The following NAV2 variants were observed in gnomAD, a reference collection of about 807,000 sequenced individuals.
NAV2 encodes helicase, APC down-regulated 1.
In NAV2, 54 loss-of-function variants were observed where a neutral mutation model predicts 223.2. The ratio of observed to expected loss-of-function variants is 0.24; its 90% CI spans 0.19 to 0.30. The LOEUF (loss-of-function observed/expected upper bound fraction) is 0.30. NAV2 is among the 10% of genes least tolerant of loss of function. The pLI, the probability that NAV2 is intolerant of heterozygous loss-of-function variation, is 1.00. For synonymous variants in NAV2, 1,279 were observed against 1,239.3 expected (o/e 1.03, Z -0.67); for missense variants, 2,806 against 3,147.5 (o/e 0.89, Z 2.60).
intron 11 of NAV2, among the ~76,000 whole-genome samples, chr11:20,021,894 G>A (rs1178307530): frequency 6.6e-6 from 1 of 152,158 alleles, no homozygotes; most frequent in Admixed American, 6.5e-5. Flanking sequence ...TTCAGTGGGA[G>A]AGGAATGGCT....
intron 1 of NAV2, among the ~76,000 whole-genome samples, chr11:19,678,292 T>C (rs1436868900): frequency 1.3e-5 from 2 of 152,212 alleles, no homozygotes. Flanking sequence ...CAATTAGTAT[T>C]CTCGTTTTGT....
At position 20,083,188 on chromosome 11, in the gene NAV2, G is replaced by A; in HGVS notation, c.5498+9G>A. On this transcript the variant is annotated intron_variant, in intron 26 of 37. Coordinates refer to ENST00000349880, the MANE Select transcript of NAV2 (RefSeq NM_145117.5). Reference sequence around the variant, plus strand: ...TCTCACTCCAACTCTCTGTAAGTCTGTCTGTCTAGTCAGATAACATCTTTG... The same window carrying A: ...TCTCACTCCAACTCTCTGTAAGTCTATCTGTCTAGTCAGATAACATCTTTG... 6.2e-7 allele frequency: 1 copy of A among 1,607,784 alleles called. No homozygotes were observed. The highest frequency in any genetic ancestry group is 8.5e-7 in the Non-Finnish European group (1 of 1,176,678).
At chr11:19,976,853 T>C (rs567408620) in intron 10 of NAV2, among the ~76,000 whole-genome samples, 15 of 152,302 alleles carry the variant, frequency 9.8e-5, no homozygotes, top group African/African-American at 2.9e-4. Flanking sequence ...CATGGTCACG[T>C]CATCCTATGC....
At chr11:19,431,940 G>C (rs944132169) in intron 1 of NAV2, among the ~76,000 whole-genome samples, 1 of 152,240 alleles carries the variant, frequency 6.6e-6, no homozygotes, top group African/African-American at 2.4e-5. Context: ...GCTCATGCCT[G>C]TAATCCCAGC....
chr11:19,806,538 C>G (rs2058570272), intron 1 of NAV2, among the ~76,000 whole-genome samples: 1 of 152,218 alleles, frequency 6.6e-6, no homozygotes, highest in Non-Finnish European at 1.5e-5. Flanking sequence ...ATAACCTGGT[C>G]TTTGAAAGCA....
intron 1 of NAV2, among the ~76,000 whole-genome samples, chr11:19,377,677 A>AGATGACT (rs372138699): frequency 0.33 from 50,371 of 151,712 alleles, 8,499 homozygotes; most frequent in East Asian, 0.49. Context: ...TCCAACCTGA[A>AGATGACT]TGGGTATTCA....
chr11:19,993,118 C>T (rs1462817670), intron 11 of NAV2, among the ~76,000 whole-genome samples: 3 of 152,192 alleles, frequency 2.0e-5, no homozygotes, highest in African/African-American at 7.2e-5. Context: ...TATATCTGTG[C>T]CCTGCAATAG....
rs79195481 is a variant in NAV2 at position 20,097,920 on chromosome 11, C to T, written c.6181+175C>T. 3.4e-3 allele frequency among the ~76,000 whole-genome samples: 518 copies of T among 152,272 alleles called. 2 individuals carry two copies. Among genetic ancestry groups the T allele is most frequent in the African/African-American group, 0.012 (493 of 41,540 alleles). ...GAACCGTCTTTTGCTTTTTCAACCACCTTAGGAAACAAAATCATTTTAGTT... is the reference window on the plus strand; with the variant it reads ...GAACCGTCTTTTGCTTTTTCAACCATCTTAGGAAACAAAATCATTTTAGTT... On this transcript the variant is annotated intron_variant, in intron 31 of 37. Transcript: ENST00000349880.
intron 1 of NAV2, among the ~76,000 whole-genome samples, chr11:19,482,332 A>G (rs2042305053): frequency 6.6e-6 from 1 of 152,174 alleles, no homozygotes; most frequent in South Asian, 2.1e-4. Flanking sequence ...TTGAGCCTCT[A>G]GTAATGAGAA....
At chr11:19,451,362 G>A (rs757571486) in intron 1 of NAV2, among the ~76,000 whole-genome samples, 3 of 152,116 alleles carry the variant, frequency 2.0e-5, no homozygotes, top group South Asian at 4.2e-4. Flanking sequence ...TCACAGAAAA[G>A]GAAGCAGATC....
chr11:19,844,782 T>C (rs542359009), intron 3 of NAV2, among the ~76,000 whole-genome samples: 1 of 152,174 alleles, frequency 6.6e-6, no homozygotes, highest in East Asian at 1.9e-4. Context: ...ATGCCAGTGC[T>C]ATATTTTTTT....
At chr11:19,612,052 C>T (rs1014494621) in intron 1 of NAV2, among the ~76,000 whole-genome samples, 1 of 152,244 alleles carries the variant, frequency 6.6e-6, no homozygotes, top group East Asian at 1.9e-4. Context: ...GACTTCTATG[C>T]ACCCACAGGC....
chr11:19,912,990 C>T (rs1743408308), intron 6 of NAV2, among the ~76,000 whole-genome samples: 1 of 152,172 alleles, frequency 6.6e-6, no homozygotes, highest in African/African-American at 2.4e-5. Flanking sequence ...TGGTTTAACT[C>T]CTGCTCTGGC....
Position 20,111,419 on chromosome 11 carries a change from T to C in NAV2, c.6961-3173T>C, listed in dbSNP as rs573677474. ...CTGAGGAGCTTTATGATGTTTCCTT[T>C]GCTTACCACAGTACTTACCCAGCCA... On this transcript the variant is annotated intron_variant, in intron 36 of 37. Coordinates refer to ENST00000349880, the MANE Select transcript of NAV2 (RefSeq NM_145117.5). Among the ~76,000 whole-genome samples, 260 of 152,334 alleles carry C rather than the reference T, an allele frequency of 1.7e-3. 1 individual carries two copies. Among genetic ancestry groups the C allele is most frequent in the African/African-American group, 6.0e-3 (248 of 41,562 alleles).
intron 1 of NAV2, among the ~76,000 whole-genome samples, chr11:19,798,410 G>T (rs567337314): frequency 6.6e-6 from 1 of 152,078 alleles, no homozygotes; most frequent in Non-Finnish European, 1.5e-5. Context: ...TCTAGTTATG[G>T]GTTTTCATAA....
chr11:19,757,038 G>C (rs1360990301), intron 1 of NAV2, among the ~76,000 whole-genome samples: 1 of 152,198 alleles, frequency 6.6e-6, no homozygotes, highest in Admixed American at 6.5e-5. Flanking sequence ...GATCCACGGG[G>C]AAGACCCTGA....
At chr11:19,399,218 G>C (rs1239325441) in intron 1 of NAV2, among the ~76,000 whole-genome samples, 7 of 152,090 alleles carry the variant, frequency 4.6e-5, no homozygotes, top group Admixed American at 1.3e-4. Context: ...CTGAGTGTCC[G>C]TGATGAATTT....
chr11:19,860,503 T>C (rs1476892831), intron 3 of NAV2, among the ~76,000 whole-genome samples: 2 of 149,288 alleles, frequency 1.3e-5, no homozygotes, highest in Admixed American at 6.7e-5. Context: ...CCTCACTTCC[T>C]AGATGGGATG....
intron 1 of NAV2, among the ~76,000 whole-genome samples, chr11:19,404,068 G>A (rs1849792906): frequency 1.3e-5 from 2 of 152,152 alleles, no homozygotes; most frequent in African/African-American, 4.8e-5. Flanking sequence ...AGGCAAAGGT[G>A]GGGGCAGATT....
Sources: gnomAD v4.1 joint callset for allele counts (sites outside exome capture counted in the v4.1 genomes callset) on GRCh38, gnomAD v4.1.1 for gene constraint, MANE v1.5 for transcripts, NCBI Gene and HGNC (gene_info 2026-07-23, HGNC 2026-07-21) for gene names.